PTPRZ1: variants seen among roughly 807,000 people sequenced by gnomAD.
PTPRZ1 encodes the protein protein tyrosine phosphatase receptor type Z1, also known as receptor-type tyrosine-protein phosphatase zeta.
Under a neutral mutation model 214.1 loss-of-function variants are expected in PTPRZ1, and 82 were observed. That is an observed-to-expected ratio of 0.38 (90% confidence interval 0.32 to 0.46). PTPRZ1 has a LOEUF of 0.46. Ranked by LOEUF, PTPRZ1 falls within the 20% of genes least tolerant of loss-of-function variation. The probability of loss-of-function intolerance (pLI) is 1.00; values close to 1 mark genes in which losing one functional copy is unlikely to be tolerated. For synonymous variants in PTPRZ1, 945 were observed against 987.9 expected, an observed-to-expected ratio of 0.96 and a Z score of 0.81; for missense variants, 2,603 against 2,748.7, an observed-to-expected ratio of 0.95 and a Z score of 1.19.
chr7:122,047,126 T>C lies in PTPRZ1; in HGVS notation c.6084+2558T>C, dbSNP rs573425871. On this transcript the variant is annotated intron_variant, in intron 23 of 29. Transcript: ENST00000393386. The stretch of plus-strand genomic sequence containing the variant: ...AAGTGCTAATGACAAATCAAGTATG[T>C]TGGGAATGGAGGAGGCCGTTGGATT... Among the ~76,000 whole-genome samples the C allele has an allele frequency of 7.4e-4, 112 of 152,204 alleles. 1 individual carries two copies. The highest frequency in any genetic ancestry group is 2.6e-3 in the African/African-American group (108 of 41,538).
chr7:121,901,226 A>G (rs529900085), intron 1 of PTPRZ1, among the ~76,000 whole-genome samples: 112 of 152,302 alleles, frequency 7.4e-4, no homozygotes, highest in African/African-American at 2.5e-3. Context: ...AACATTATGC[A>G]TGCCAGTAAT....
At chr7:121,891,228 A>G (rs536053066) in intron 1 of PTPRZ1, among the ~76,000 whole-genome samples, 69 of 152,054 alleles carry the variant, frequency 4.5e-4, no homozygotes, top group Admixed American at 1.1e-3. Context: ...GTGATATTGC[A>G]ACCACCTCTC....
intron 23 of PTPRZ1, among the ~76,000 whole-genome samples, chr7:122,046,272 G>A (rs1371476639): frequency 6.6e-6 from 1 of 152,074 alleles, no homozygotes; most frequent in African/African-American, 2.4e-5. Context: ...AGCTGGGTGG[G>A]TGGCATGAGC....
intron 4 of PTPRZ1, 60 bp from the exon 5 acceptor site, chr7:121,976,113 T>C: frequency 8.6e-7 from 1 of 1,156,884 alleles, no homozygotes; most frequent in South Asian, 1.5e-5. Context: ...TGTAGAATTC[T>C]CTTTGCTGAT....
chr7:122,037,372 T>C (rs1449174811), intron 18 of PTPRZ1, among the ~76,000 whole-genome samples: 1 of 152,150 alleles, frequency 6.6e-6, no homozygotes, highest in Non-Finnish European at 1.5e-5. Context: ...AACAAAAAAT[T>C]TCCATAGTAG....
chr7:122,006,416 C>T (rs755716393), intron 11 of PTPRZ1, among the ~76,000 whole-genome samples: 6 of 152,058 alleles, frequency 3.9e-5, no homozygotes, highest in Non-Finnish European at 4.4e-5. Flanking sequence ...ATTTCTCAGC[C>T]TCTAATAACC....
intron 2 of PTPRZ1, among the ~76,000 whole-genome samples, chr7:121,933,867 T>C (rs1483545959): frequency 1.3e-5 from 2 of 152,220 alleles, no homozygotes; most frequent in African/African-American, 4.8e-5. Flanking sequence ...TAATCTAGAA[T>C]ATCCTTTTAA....
At chr7:122,028,393 G>A (rs1456920875) in intron 13 of PTPRZ1, 159 bp from the exon 14 acceptor site, 2 of 509,242 alleles carry the variant, frequency 3.9e-6, no homozygotes, top group East Asian at 3.3e-5. Context: ...AACATCTTGT[G>A]ACTTGTTAAA....
intron 2 of PTPRZ1, among the ~76,000 whole-genome samples, chr7:121,965,237 C>T (rs1297389093): frequency 6.6e-6 from 1 of 152,124 alleles, no homozygotes; most frequent in Non-Finnish European, 1.5e-5. Context: ...TCTCACAAAT[C>T]TGAAATTAAG....
intron 1 of PTPRZ1, among the ~76,000 whole-genome samples, chr7:121,884,426 C>T (rs2116180098): frequency 6.6e-6 from 1 of 152,124 alleles, no homozygotes; most frequent in South Asian, 2.1e-4. Flanking sequence ...CTGCTAAAAA[C>T]TGATACTGCT....
intron 1 of PTPRZ1, among the ~76,000 whole-genome samples, chr7:121,888,498 C>A (rs917872064): frequency 2.0e-5 from 3 of 152,046 alleles, no homozygotes; most frequent in South Asian, 2.1e-4. Flanking sequence ...CTGCCCAGTT[C>A]TGTGAAAAAC....
At chr7:122,018,033 A>C (rs995399251) in intron 12 of PTPRZ1, among the ~76,000 whole-genome samples, 1 of 152,198 alleles carries the variant, frequency 6.6e-6, no homozygotes, top group South Asian at 2.1e-4. Context: ...TCTTAAATAC[A>C]TATTTAAGTT....
At position 122,011,458 on chromosome 7, in the gene PTPRZ1, T is replaced by C; in HGVS notation, c.2412T>C (p.Asp804=). The C allele has an allele frequency of 1.2e-6, 2 of 1,614,134 alleles. No individual in the cohort carries two copies. The highest frequency in any genetic ancestry group is 1.7e-6 in the Non-Finnish European group (2 of 1,180,008). Residue 804 remains aspartate, a synonymous_variant, in exon 12 of 30, where the codon GAT becomes GAC. Coordinates refer to ENST00000393386, the MANE Select transcript of PTPRZ1 (RefSeq NM_002851.3). The part of the protein sequence containing the change: ...LHATPVFPSV[D]VSFESILSSY... ...CTACGCCTGTATTTCCCAGTGTCGA[T>C]GTGTCATTTGAATCCATCCTGTCTT...
chr7:121,955,798 GAT>G (rs1396397245), intron 2 of PTPRZ1, among the ~76,000 whole-genome samples: 4 of 152,174 alleles, frequency 2.6e-5, no homozygotes, highest in Non-Finnish European at 4.4e-5. Flanking sequence ...TCAGTGGGGT[GAT>G]AGAGCAACAA....
chr7:121,949,082 A>C (rs1370022028), intron 2 of PTPRZ1, among the ~76,000 whole-genome samples: 1 of 152,012 alleles, frequency 6.6e-6, no homozygotes, highest in Non-Finnish European at 1.5e-5. Context: ...ATCAGTCAAC[A>C]CACACAAGAT....
chr7:121,919,188 T>C (rs961365914), intron 1 of PTPRZ1, among the ~76,000 whole-genome samples: 11 of 152,100 alleles, frequency 7.2e-5, no homozygotes, highest in African/African-American at 1.7e-4. Context: ...TGGATCATCA[T>C]TGAATATTTA....
chr7:121,970,981 A>G (rs922028640), intron 3 of PTPRZ1, among the ~76,000 whole-genome samples: 2 of 152,188 alleles, frequency 1.3e-5, no homozygotes, highest in African/African-American at 4.8e-5. Context: ...ATTTTTGTAT[A>G]AGGTGTAAGG....
At chr7:121,991,325 T>G (rs1465742665) in intron 8 of PTPRZ1, among the ~76,000 whole-genome samples, 3 of 152,234 alleles carry the variant, frequency 2.0e-5, no homozygotes, top group African/African-American at 7.2e-5. Flanking sequence ...TTTTCATGAT[T>G]AAGGTGTTCT....
At chr7:122,020,466 G>T (rs1358533871) in intron 13 of PTPRZ1, among the ~76,000 whole-genome samples, 1 of 152,166 alleles carries the variant, frequency 6.6e-6, no homozygotes, top group Non-Finnish European at 1.5e-5. Flanking sequence ...CTCTGTGGGA[G>T]TCAGAAAGGA....
Sources: gnomAD v4.1 joint callset for allele counts (sites outside exome capture counted in the v4.1 genomes callset) on GRCh38, gnomAD v4.1.1 for gene constraint, MANE v1.5 for transcripts, NCBI Gene and HGNC (gene_info 2026-07-23, HGNC 2026-07-21) for gene names.